The following PBX4 variants were observed in gnomAD, a reference collection of about 807,000 sequenced individuals.
The protein encoded by PBX4 is PBX homeobox 4, also known as pre-B-cell leukemia transcription factor 4.
PBX4 carries 26 observed loss-of-function variants against 35.1 expected under a neutral mutation model. The ratio of observed to expected loss-of-function variants is 0.74; its 90% CI spans 0.54 to 1.03. PBX4 has a LOEUF of 1.03. PBX4 is among the 50% of genes least tolerant of loss of function. The probability of loss-of-function intolerance (pLI) is 0.00; values close to 1 mark genes in which losing one functional copy is unlikely to be tolerated. For missense variants in PBX4, 448 were observed against 504.3 expected, an observed-to-expected ratio of 0.89 and a Z score of 1.07; for synonymous variants, 199 against 204.2, an observed-to-expected ratio of 0.97 and a Z score of 0.22.
At chr19:19,588,466 A>G (rs2061504594) in intron 2 of PBX4, 2 of 787,184 alleles carry the variant, frequency 2.5e-6, no homozygotes, top group Non-Finnish European at 4.3e-6. Context: ...TTTAGTAGAG[A>G]CAGGGTTTCA....
chr19:19,592,951 C>A (rs1427018927), intron 2 of PBX4, among the ~76,000 whole-genome samples: 3 of 152,084 alleles, frequency 2.0e-5, no homozygotes, highest in African/African-American at 7.2e-5. Context: ...CCTGGGGAGG[C>A]CCCTGTCTCT....
intron 2 of PBX4, among the ~76,000 whole-genome samples, chr19:19,573,960 C>T (rs146152351): frequency 4.6e-5 from 7 of 152,192 alleles, no homozygotes; most frequent in Admixed American, 6.5e-5. Context: ...GAATTCCTGA[C>T]CTCAAGTGAT....
In PBX4 at chr19:19,562,892, C is replaced by T. The variant is rs190817503; in HGVS notation, c.1032+617G>A. On this transcript the variant is annotated intron_variant, in intron 7 of 7. Transcript: ENST00000251203. The surrounding 1 kb of genome is among the most constrained non-coding windows in gnomAD (Gnocchi z 4.8). ...GCTGCCACAGCAGGACAGTGTGGGA[C>T]GTGTGCTTCCCAGGACCAGGTGGGA... Among the ~76,000 whole-genome samples the T allele has an allele frequency of 8.2e-4, 125 of 152,296 alleles. 3 individuals are homozygous for T. The highest frequency in any genetic ancestry group is 2.8e-3 in the African/African-American group (115 of 41,564).
intron 1 of PBX4, among the ~76,000 whole-genome samples, chr19:19,612,079 G>A (rs1329080285): frequency 6.6e-6 from 1 of 152,002 alleles, no homozygotes; most frequent in African/African-American, 2.4e-5. Context: ...GACCAGCTTG[G>A]CCAACATGGT....
At chr19:19,570,888 CCATGAGAAAATGTGAG>C (rs2061378979) in intron 2 of PBX4, 55 bp from the exon 3 acceptor site, 7 of 1,592,870 alleles carry the variant, frequency 4.4e-6, no homozygotes. Flanking sequence ...AGAAAACAAA[CCATGAGAAAATGTGAG>C]CACTGGTGTT....
At chr19:19,609,759 G>A (rs1203091211) in intron 1 of PBX4, among the ~76,000 whole-genome samples, 2 of 152,106 alleles carry the variant, frequency 1.3e-5, no homozygotes, top group Admixed American at 6.5e-5. Context: ...GCTGAGGCAG[G>A]AGAATGGCGT....
chr19:19,562,246 G>T lies in PBX4; in HGVS notation c.1033-129C>A. 1 of 637,150 alleles carries T rather than the reference G, an allele frequency of 1.6e-6. No individual in the cohort carries two copies. Among genetic ancestry groups the T allele is most frequent in the Non-Finnish European group, 2.7e-6 (1 of 376,872 alleles). 39.5% of individuals were successfully genotyped at this position (637,150 alleles called of 1,614,324 possible). A position where few individuals can be genotyped will look rare whatever the true frequency, so the allele number is the denominator to read the frequency against. ...GGAAAAGATCCACAGATGACCTCCAGCTCAGTGGAGGAGGGAAGGGATGGA... is the reference window on the plus strand; with the variant it reads ...GGAAAAGATCCACAGATGACCTCCATCTCAGTGGAGGAGGGAAGGGATGGA... On this transcript the variant is annotated intron_variant, in intron 7 of 7. Transcript: ENST00000251203. This position sits in a 1 kb window ranked among gnomAD's most constrained non-coding sequence, Gnocchi z 4.8.
At chr19:19,587,294 G>A (rs1393315761) in intron 2 of PBX4, among the ~76,000 whole-genome samples, 1 of 152,130 alleles carries the variant, frequency 6.6e-6, no homozygotes, top group African/African-American at 2.4e-5. Context: ...CAGTACAAGT[G>A]TTAAAACAGT....
intron 2 of PBX4, among the ~76,000 whole-genome samples, chr19:19,575,583 T>A (rs1188073318): frequency 6.6e-6 from 1 of 152,074 alleles, no homozygotes; most frequent in Non-Finnish European, 1.5e-5. Context: ...CCTCCCTAGG[T>A]CCCTACTGTG....
At chr19:19,608,877 G>C (rs2061646450) in intron 1 of PBX4, among the ~76,000 whole-genome samples, 1 of 152,110 alleles carries the variant, frequency 6.6e-6, no homozygotes, top group African/African-American at 2.4e-5. Flanking sequence ...GCCCTCTCTG[G>C]TCCCCGTGTC....
intron 1 of PBX4, among the ~76,000 whole-genome samples, chr19:19,603,511 GT>G (rs2061610136): frequency 6.6e-6 from 1 of 152,072 alleles, no homozygotes; most frequent in Non-Finnish European, 1.5e-5. Flanking sequence ...GTTTTGGCAT[GT>G]TGGTCAGCCT....
At chr19:19,611,428 C>T (rs1263385804) in intron 1 of PBX4, among the ~76,000 whole-genome samples, 1 of 152,072 alleles carries the variant, frequency 6.6e-6, no homozygotes, top group Admixed American at 6.6e-5. Flanking sequence ...CACCTGTAAT[C>T]CCAGCACTTT....
chr19:19,561,978 G>A lies in PBX4; in HGVS notation c.*47C>T, dbSNP rs1329865370. Reference sequence around the variant, plus strand: ...GTTCAGTAACAAAGCAACGGCTGGCGATACATGGCAGCTCACGCAGCGCTC... The same window carrying A: ...GTTCAGTAACAAAGCAACGGCTGGCAATACATGGCAGCTCACGCAGCGCTC... On this transcript the variant is annotated 3_prime_UTR_variant, in exon 8 of 8. Transcript: ENST00000251203. 7 of 1,508,778 alleles carry A rather than the reference G, an allele frequency of 4.6e-6. No individual in the cohort carries two copies. The highest frequency in any genetic ancestry group is 1.2e-5 in the South Asian group (1 of 84,354). The allele number at this position is 1,508,778 out of a possible 1,614,324, so 93.5% of individuals were successfully genotyped here. A position where few individuals can be genotyped will look rare whatever the true frequency, so the allele number is the denominator to read the frequency against.
At chr19:19,594,640 T>C (rs548294812) in intron 2 of PBX4, among the ~76,000 whole-genome samples, 6 of 152,162 alleles carry the variant, frequency 3.9e-5, no homozygotes, top group Non-Finnish European at 7.4e-5. Flanking sequence ...ACCCACACTC[T>C]CAAAAATTGG....
rs748294423 is a variant in PBX4 at position 19,576,349 on chromosome 19, CCAAGTAGCTGGG to C, written c.194-5528_194-5517del. ...CAAGCAATTCTCCTGCCTCAGCCTC[CCAAGTAGCTGGG>C]ATTACAGGCACACGCCACCATGCCC... On this transcript the variant is annotated intron_variant, in intron 2 of 7. Coordinates refer to ENST00000251203, the MANE Select transcript of PBX4 (RefSeq NM_025245.3). 3.1e-3 allele frequency among the ~76,000 whole-genome samples: 470 copies of C among 152,246 alleles called. 2 individuals are homozygous for C. The highest frequency in any genetic ancestry group is 6.8e-3 in the Middle Eastern group (2 of 294).
At chr19:19,571,106 A>G (rs905512023) in intron 2 of PBX4, among the ~76,000 whole-genome samples, 3 of 152,244 alleles carry the variant, frequency 2.0e-5, no homozygotes, top group African/African-American at 7.2e-5. Flanking sequence ...CCTTGGTCAC[A>G]GCTGTGTGCA....
chr19:19,570,304 G>A lies in PBX4; in HGVS notation c.442-5C>T. 6.3e-7 allele frequency: 1 copy of A among 1,595,186 alleles called. No individual in the cohort carries two copies. Among genetic ancestry groups the A allele is most frequent in the Non-Finnish European group, 8.6e-7 (1 of 1,167,926 alleles). On this transcript the variant is annotated splice_region_variant and splice_polypyrimidine_tract_variant and intron_variant, in intron 3 of 7. Transcript: ENST00000251203. Reference sequence around the variant, plus strand: ...CGTGGTGAACTCACGACAGGCCTGGGGTGGGAGCACAGACACGCCGGCCTG... The same window carrying A: ...CGTGGTGAACTCACGACAGGCCTGGAGTGGGAGCACAGACACGCCGGCCTG...
chr19:19,572,552 G>GT (rs755974693), intron 2 of PBX4, among the ~76,000 whole-genome samples: 3 of 150,030 alleles, frequency 2.0e-5, no homozygotes, highest in African/African-American at 4.9e-5. Context: ...CGATATCCTT[G>GT]TAAGAATTTT....
At position 19,562,114 on chromosome 19, in the gene PBX4, G is replaced by A. The variant is rs1202071338; in HGVS notation, c.1036C>T (p.Gln346Ter). The change falls in exon 8 of 8, where the codon CAG becomes TAG. Residue 346 changes from glutamine (Q) to a stop codon, truncating the protein, a stop_gained. Transcript: ENST00000251203. LOFTEE classifies it low-confidence loss of function (END_TRUNC). The surrounding 1 kb of genome is among the most constrained non-coding windows in gnomAD (Gnocchi z 4.8). ...GGGGTGGCCCCCTGCCAGCTACCCT[G>A]GGCCTGAAACGACAGAGACTGAGCA... ...PGGGCLQSQAQGSWQGATPQP... is the reference protein window; with the variant it reads ...PGGGCLQSQA 1 of 1,609,660 alleles carries A rather than the reference G, an allele frequency of 6.2e-7. No individual in the cohort carries two copies. The highest frequency in any genetic ancestry group is 2.2e-5 in the East Asian group (1 of 44,658).
Sources: gnomAD v4.1 joint callset for allele counts (sites outside exome capture counted in the v4.1 genomes callset) on GRCh38, gnomAD v4.1.1 for gene constraint, Gnocchi (gnomAD v3.1) non-coding constraint, MANE v1.5 for transcripts, NCBI Gene and HGNC (gene_info 2026-07-23, HGNC 2026-07-21) for gene names.